The following FSTL4 variants were observed in gnomAD, a reference collection of about 807,000 sequenced individuals.
FSTL4 encodes the protein follistatin-related protein 4.
Under a neutral mutation model 78.2 loss-of-function variants are expected in FSTL4, and 28 were observed. The observed-to-expected ratio is 0.36, with a 90% CI of 0.27 to 0.49. The LOEUF is 0.49. FSTL4 is among the 20% of genes least tolerant of loss of function. The pLI, the probability that FSTL4 is intolerant of heterozygous loss-of-function variation, is 0.98. For missense variants in FSTL4, 922 were observed against 1,084.9 expected, an observed-to-expected ratio of 0.85 and a Z score of 2.11; for synonymous variants, 422 against 440.5, an observed-to-expected ratio of 0.96 and a Z score of 0.53.
At chr5:133,221,895 T>TTTG (rs1751123840) in intron 11 of FSTL4, among the ~76,000 whole-genome samples, 1 of 81,760 alleles carries the variant, frequency 1.2e-5, no homozygotes, top group Admixed American at 1.1e-4. Flanking sequence ...TTTCTAGTTT[T>TTTG]TTTTTTTTTT....
the FSTL4 span, among the ~76,000 whole-genome samples, chr5:133,735,792 T>C: frequency 6.6e-6 from 1 of 152,200 alleles, no homozygotes; most frequent in African/African-American, 2.4e-5. Context: ...ATTTGTATGG[T>C]CCTAAGCATA....
intron 6 of FSTL4, among the ~76,000 whole-genome samples, chr5:133,279,872 C>T (rs751993185): frequency 3.3e-4 from 51 of 152,306 alleles, no homozygotes; most frequent in Non-Finnish European, 5.6e-4. Context: ...GGCTTGAATC[C>T]GCTTACTGGT....
At chr5:133,396,995 A>G (rs550132092) in intron 4 of FSTL4, among the ~76,000 whole-genome samples, 54 of 152,330 alleles carry the variant, frequency 3.5e-4, no homozygotes, top group African/African-American at 1.3e-3. Flanking sequence ...AACCTCTAAC[A>G]GTCCCCTTTC....
chr5:133,689,475 TGTATTCAG>T, the FSTL4 span, among the ~76,000 whole-genome samples: 2 of 152,250 alleles, frequency 1.3e-5, no homozygotes, highest in Admixed American at 1.3e-4. Context: ...ATAGCCTCAA[TGTATTCAG>T]GTACAGTAGT....
the FSTL4 span, among the ~76,000 whole-genome samples, chr5:133,723,719 G>A: frequency 6.6e-6 from 1 of 152,194 alleles, no homozygotes; most frequent in African/African-American, 2.4e-5. Context: ...CCCAGGGAGT[G>A]TGGCTACATG....
intron 1 of FSTL4, among the ~76,000 whole-genome samples, 197 bp from the exon 2 acceptor site, chr5:133,604,190 C>A (rs13179869): frequency 0.041 from 6,241 of 152,182 alleles, 212 homozygotes; most frequent in African/African-American, 0.096. Flanking sequence ...ATAATATGTA[C>A]CTCGAAAGGC....
intron 4 of FSTL4, among the ~76,000 whole-genome samples, chr5:133,373,832 G>A (rs1755372522): frequency 1.3e-5 from 2 of 152,216 alleles, no homozygotes. Context: ...AGCATCACTT[G>A]CCTCTACCTT....
chr5:133,578,905 C>T (rs1305451366), intron 2 of FSTL4, among the ~76,000 whole-genome samples: 3 of 152,178 alleles, frequency 2.0e-5, no homozygotes, highest in Admixed American at 6.5e-5. Flanking sequence ...TCTCAGACAA[C>T]CCAACAAATT....
upstream of FSTL4, among the ~76,000 whole-genome samples, chr5:133,616,651 C>T (rs1036986337): frequency 5.6e-4 from 86 of 152,272 alleles, no homozygotes; most frequent in African/African-American, 2.1e-3. Context: ...ATTTGCCCCA[C>T]CTCGGCCTCC....
chr5:133,628,447 C>T, the FSTL4 span, among the ~76,000 whole-genome samples: 1 of 151,786 alleles, frequency 6.6e-6, no homozygotes, highest in South Asian at 2.1e-4. Context: ...GCAATCTCCA[C>T]CTCCTAGGTT....
At chr5:133,205,689 G>C (rs1023596953) in intron 14 of FSTL4, among the ~76,000 whole-genome samples, 1 of 151,762 alleles carries the variant, frequency 6.6e-6, no homozygotes, top group Non-Finnish European at 1.5e-5. Flanking sequence ...TTTTCTTTAG[G>C]AGCTCAGTGA....
intron 2 of FSTL4, 42 bp from the exon 3 acceptor site, chr5:133,567,261 C>T: frequency 1.4e-6 from 2 of 1,424,744 alleles, no homozygotes; most frequent in Non-Finnish European, 2.0e-6. Context: ...AAGAATAATT[C>T]ATATGTACAG....
intron 3 of FSTL4, among the ~76,000 whole-genome samples, chr5:133,532,526 A>G (rs1392785211): frequency 6.6e-6 from 1 of 152,174 alleles, no homozygotes. Flanking sequence ...AACCCAGGAC[A>G]CTGGTTACTT....
At chr5:133,710,114 C>T in the FSTL4 span, among the ~76,000 whole-genome samples, 3 of 152,156 alleles carry the variant, frequency 2.0e-5, no homozygotes, top group Non-Finnish European at 2.9e-5. Flanking sequence ...GCCCACTGCA[C>T]GGGAAGATGG....
At chr5:133,363,950 G>C (rs1755124488) in intron 4 of FSTL4, among the ~76,000 whole-genome samples, 1 of 152,180 alleles carries the variant, frequency 6.6e-6, no homozygotes, top group African/African-American at 2.4e-5. Context: ...CGGCTCAGAG[G>C]GCACTGAATT....
chr5:133,509,279 T>C (rs546662336), intron 3 of FSTL4, among the ~76,000 whole-genome samples: 1 of 152,140 alleles, frequency 6.6e-6, no homozygotes, highest in Non-Finnish European at 1.5e-5. Flanking sequence ...CCTCATCTCC[T>C]CTGGGCTCTG....
the FSTL4 span, among the ~76,000 whole-genome samples, chr5:133,708,677 C>G: frequency 3.3e-5 from 5 of 152,256 alleles, no homozygotes; most frequent in Non-Finnish European, 5.9e-5. Flanking sequence ...AGCTGCAACT[C>G]TATCTCCTGA....
Position 133,331,880 on chromosome 5 carries a change from G to T in FSTL4, c.410-15228C>A, listed in dbSNP as rs144034842. 2.5e-4 allele frequency among the ~76,000 whole-genome samples: 38 copies of T among 152,196 alleles called. No homozygotes were observed. In the East Asian group the frequency reaches 7.3e-3, roughly 29 times the overall value. On this transcript the variant is annotated intron_variant, in intron 4 of 15. Coordinates refer to ENST00000265342, the MANE Select transcript of FSTL4 (RefSeq NM_015082.2). ...TCCCCGTCACCTGCACTGCTGTTCT[G>T]AGGATTATCTACACGGGAAACTTAT...
At chr5:133,372,986 A>G (rs557371841) in intron 4 of FSTL4, among the ~76,000 whole-genome samples, 2 of 152,302 alleles carry the variant, frequency 1.3e-5, no homozygotes, top group East Asian at 3.9e-4. Flanking sequence ...TTCATACATT[A>G]AAGCCTAAAT....
Sources: gnomAD v4.1 joint callset for allele counts (sites outside exome capture counted in the v4.1 genomes callset) on GRCh38, gnomAD v4.1.1 for gene constraint, MANE v1.5 for transcripts, NCBI Gene and HGNC (gene_info 2026-07-23, HGNC 2026-07-21) for gene names.